The following FAT3 variants were observed in gnomAD, a reference collection of about 807,000 sequenced individuals.
The protein encoded by FAT3 is protocadherin Fat 3.
In FAT3, 95 loss-of-function variants were observed where a neutral mutation model predicts 310.2. The observed-to-expected ratio is 0.31, with a 90% CI of 0.26 to 0.36. The LOEUF (loss-of-function observed/expected upper bound fraction) is 0.36, where lower values mean the gene tolerates loss of function less well. Ranked by LOEUF, FAT3 falls within the 10% of genes least tolerant of loss-of-function variation. FAT3 has a pLI of 1.00. For synonymous variants in FAT3, 2,314 were observed against 2,192.9 expected, an observed-to-expected ratio of 1.06 and a Z score of -1.54; for missense variants, 5,408 against 5,715.6, an observed-to-expected ratio of 0.95 and a Z score of 1.74.
chr11:92,468,784 C>G (rs1018632974), intron 2 of FAT3, among the ~76,000 whole-genome samples: 1 of 152,134 alleles, frequency 6.6e-6, no homozygotes, highest in African/African-American at 2.4e-5. Context: ...CTCTTGAGAA[C>G]TCACTCACTA....
chr11:92,280,999 C>G (rs1480027383), intron 1 of FAT3, among the ~76,000 whole-genome samples: 1 of 152,026 alleles, frequency 6.6e-6, no homozygotes, highest in East Asian at 1.9e-4. Context: ...ATATTTATTG[C>G]AAATATGTTT....
intron 22 of FAT3, among the ~76,000 whole-genome samples, chr11:92,872,995 C>T (rs1949428577): frequency 6.6e-6 from 1 of 152,078 alleles, no homozygotes; most frequent in Admixed American, 6.5e-5. Flanking sequence ...AGTCTTCAGC[C>T]TAAACATCAG....
chr11:92,592,318 C>CTTTTTT (rs753531647), intron 3 of FAT3, among the ~76,000 whole-genome samples: 5 of 108,240 alleles, frequency 4.6e-5, no homozygotes, highest in Admixed American at 1.2e-4. Flanking sequence ...TCCTAATTGT[C>CTTTTTT]TTTTTTTTTT....
At chr11:92,404,993 T>G (rs1950106668) in intron 2 of FAT3, among the ~76,000 whole-genome samples, 1 of 152,090 alleles carries the variant, frequency 6.6e-6, no homozygotes, top group Admixed American at 6.6e-5. Context: ...CCACCGACTT[T>G]CCTGGGCCTC....
Position 92,799,379 on chromosome 11 carries a change from C to A in FAT3, c.6366C>A (p.Val2122=). 1 of 1,613,756 alleles carries A rather than the reference C, an allele frequency of 6.2e-7. No homozygotes were observed. The highest frequency in any genetic ancestry group is 8.5e-7 in the Non-Finnish European group (1 of 1,179,812). ...GTCCAAATGGAGAAGTGACCTATGTCCTGCAGGATGACTATGGCCACTTTG... is the reference window on the plus strand; with the variant it reads ...GTCCAAATGGAGAAGTGACCTATGTACTGCAGGATGACTATGGCCACTTTG... ...DKGPNGEVTY[V]LQDDYGHFEI... The change falls in exon 10 of 28, where the codon GTC becomes GTA. Residue 2122 remains valine, a synonymous_variant. Transcript: ENST00000525166.
At chr11:92,422,395 CT>C (rs1950550379) in intron 2 of FAT3, among the ~76,000 whole-genome samples, 2 of 152,146 alleles carry the variant, frequency 1.3e-5, no homozygotes, top group East Asian at 3.9e-4. Flanking sequence ...CCTGGAGCAA[CT>C]TTTGATGGAA....
chr11:92,513,603 G>T (rs748686997), intron 2 of FAT3, among the ~76,000 whole-genome samples: 24 of 152,092 alleles, frequency 1.6e-4, no homozygotes, highest in Non-Finnish European at 2.8e-4. Context: ...ATATTTCTTT[G>T]CACCTTCCTA....
At chr11:92,635,154 C>T (rs1383846253) in intron 3 of FAT3, among the ~76,000 whole-genome samples, 1 of 152,178 alleles carries the variant, frequency 6.6e-6, no homozygotes, top group Non-Finnish European at 1.5e-5. Context: ...AGCTCTGGGG[C>T]AGTCCTTGTG....
intron 7 of FAT3, among the ~76,000 whole-genome samples, chr11:92,779,025 A>G (rs1197681903): frequency 6.6e-6 from 1 of 152,116 alleles, no homozygotes; most frequent in Non-Finnish European, 1.5e-5. Context: ...CTCAGAGATG[A>G]GTGAGGATGT....
chr11:92,226,979 A>G (rs200072035), intron 1 of FAT3, among the ~76,000 whole-genome samples: 1 of 152,090 alleles, frequency 6.6e-6, no homozygotes, highest in Non-Finnish European at 1.5e-5. Flanking sequence ...CAAGTGTCAG[A>G]CAAACCCGCG....
intron 1 of FAT3, among the ~76,000 whole-genome samples, chr11:92,311,035 C>A (rs752895534): frequency 2.7e-5 from 4 of 150,576 alleles, no homozygotes; most frequent in Non-Finnish European, 5.9e-5. Context: ...TATATATATA[C>A]ATACACATAT....
At chr11:92,757,107 A>G (rs552828883) in intron 4 of FAT3, among the ~76,000 whole-genome samples, 49 of 151,994 alleles carry the variant, frequency 3.2e-4, no homozygotes, top group Non-Finnish European at 5.4e-4. Context: ...CACTTTTAGT[A>G]GAGACAGGGT....
intron 3 of FAT3, among the ~76,000 whole-genome samples, chr11:92,575,121 C>G (rs1241387186): frequency 6.6e-6 from 1 of 152,120 alleles, no homozygotes; most frequent in Admixed American, 6.6e-5. Flanking sequence ...GTTAGTTGTC[C>G]TGTTGTTTCA....
At chr11:92,708,084 C>G (rs1220824221) in intron 4 of FAT3, among the ~76,000 whole-genome samples, 1 of 152,130 alleles carries the variant, frequency 6.6e-6, no homozygotes, top group Non-Finnish European at 1.5e-5. Context: ...TACTGAAATA[C>G]CAAGAGAGTT....
rs979201917 is a variant in FAT3, at chr11:92,882,828, C to T, written c.12372C>T (p.Cys4124=). The T allele has an allele frequency of 1.4e-5, 22 of 1,611,790 alleles. No homozygotes were observed. The Admixed American group carries it at 2.3e-4, about 17-fold the overall frequency. Reference sequence around the variant, plus strand: ...TGTTCGGCTCCTTCCTCTGCAACTGCACGCCGGGCTACGTGGGCCAGTACT... The same window carrying T: ...TGTTCGGCTCCTTCCTCTGCAACTGTACGCCGGGCTACGTGGGCCAGTACT... ...VNVFGSFLCN[C]TPGYVGQYCG... is the part of the protein sequence containing the mutation. The change falls in exon 24 of 28, where the codon TGC becomes TGT. Residue 4124 remains cysteine, a synonymous_variant. Coordinates refer to ENST00000525166, the MANE Select transcript of FAT3 (RefSeq NM_001367949.2).
chr11:92,857,389 T>A, intron 20 of FAT3, 41 bp downstream of exon 20: 1 of 1,610,400 alleles, frequency 6.2e-7, no homozygotes, highest in Non-Finnish European at 8.5e-7. Context: ...AATTTCATAT[T>A]CCTGAAACAC....
intron 26 of FAT3, among the ~76,000 whole-genome samples, chr11:92,889,533 CAT>C (rs1399978728): frequency 6.6e-6 from 1 of 152,160 alleles, no homozygotes; most frequent in Non-Finnish European, 1.5e-5. Flanking sequence ...TTATATTCAA[CAT>C]GTGTTCATTG....
At chr11:92,839,773 T>C (rs2136280798) in intron 17 of FAT3, among the ~76,000 whole-genome samples, 1 of 152,292 alleles carries the variant, frequency 6.6e-6, no homozygotes, top group African/African-American at 2.4e-5. Context: ...AGGACAGCAA[T>C]ACCTGAGCTA....
intron 2 of FAT3, among the ~76,000 whole-genome samples, chr11:92,415,816 A>C (rs1950395830): frequency 6.7e-6 from 1 of 150,112 alleles, no homozygotes; most frequent in African/African-American, 2.5e-5. Flanking sequence ...TTGTATTAGA[A>C]AAAGTACCAA....
Sources: gnomAD v4.1 joint callset for allele counts (sites outside exome capture counted in the v4.1 genomes callset) on GRCh38, gnomAD v4.1.1 for gene constraint, MANE v1.5 for transcripts, NCBI Gene and HGNC (gene_info 2026-07-23, HGNC 2026-07-21) for gene names.